Variants in ST3GAL1 observed in about 807,000 individuals in gnomAD.
ST3GAL1 encodes the protein ST3 beta-galactoside alpha-2,3-sialyltransferase 1, also known as CMP-N-acetylneuraminate-beta-galactosamide-alpha-2,3-sialyltransferase 1.
A neutral mutation model predicts 34.1 loss-of-function variants in ST3GAL1; 16 were observed. The observed-to-expected ratio is 0.47, with a 90% confidence interval of 0.32 to 0.71. ST3GAL1 has a LOEUF of 0.71. Among genes scored for constraint, ST3GAL1 ranks in the 30% least tolerant of loss-of-function variants. The pLI is 0.04. For synonymous variants in ST3GAL1, 191 were observed against 184.7 expected, an observed-to-expected ratio of 1.03 and a Z score of -0.28; for missense variants, 353 against 447.4, an observed-to-expected ratio of 0.79 and a Z score of 1.90.
chr8:133,483,009 TCTG>T (rs1816454890), intron 3 of ST3GAL1, among the ~76,000 whole-genome samples: 1 of 152,240 alleles, frequency 6.6e-6, no homozygotes. Flanking sequence ...ACTTGCCCTC[TCTG>T]ATCCTCAATT....
chr8:133,484,681 A>G (rs1816513024), intron 3 of ST3GAL1, among the ~76,000 whole-genome samples: 1 of 152,068 alleles, frequency 6.6e-6, no homozygotes, highest in South Asian at 2.1e-4. Flanking sequence ...TTAATCCCTC[A>G]TTTGGAGAAT....
chr8:133,461,822 C>T lies in ST3GAL1; in HGVS notation c.849+53G>A. On this transcript the variant is annotated intron_variant, in intron 9 of 9. Transcript: ENST00000522652. This position sits in a 1 kb window ranked among gnomAD's most constrained non-coding sequence, Gnocchi z 4.7. ...CCCCCTCCCTGGCCTCTCTTGGGAA[C>T]ACAGGACGGTGAGCTTCGAGGCAGC... 2 of 1,609,410 alleles carry T rather than the reference C, an allele frequency of 1.2e-6. No homozygotes were observed. Among genetic ancestry groups the T allele is most frequent in the South Asian group, 2.2e-5 (2 of 90,524 alleles).
chr8:133,475,349 C>A (rs1267000252), intron 5 of ST3GAL1, among the ~76,000 whole-genome samples: 4 of 152,192 alleles, frequency 2.6e-5, no homozygotes, highest in Non-Finnish European at 5.9e-5. Context: ...CTTCTGGCCT[C>A]CAGAGCTGCA....
At chr8:133,563,138 T>C (rs1478188378) in intron 1 of ST3GAL1, among the ~76,000 whole-genome samples, 1 of 152,156 alleles carries the variant, frequency 6.6e-6, no homozygotes, top group Admixed American at 6.5e-5. Context: ...TTTTTTTTAA[T>C]GTAGCAAAAT....
chr8:133,527,710 G>T (rs139452292), intron 2 of ST3GAL1, among the ~76,000 whole-genome samples: 1 of 152,188 alleles, frequency 6.6e-6, no homozygotes, highest in African/African-American at 2.4e-5. Context: ...CATGGCTCAC[G>T]CAGAGCTGGA....
intron 2 of ST3GAL1, among the ~76,000 whole-genome samples, chr8:133,500,460 C>A (rs1014179257): frequency 1.1e-4 from 17 of 152,184 alleles, no homozygotes; most frequent in African/African-American, 4.1e-4. Flanking sequence ...CTCTTTGCGT[C>A]CTTTTCCCCA....
Position 133,556,596 on chromosome 8 carries a change from G to A in ST3GAL1, c.-581-10670C>T, listed in dbSNP as rs182415652. 3.5e-4 allele frequency among the ~76,000 whole-genome samples: 54 copies of A among 152,196 alleles called. No homozygotes were observed. In the East Asian group the frequency reaches 6.6e-3, roughly 18 times the overall value. ...GAAGGCTGCATAACTATGTACTTTC[G>A]AACAAGATTTTTAGGATGAAGAAAC... On this transcript the variant is annotated intron_variant, in intron 1 of 9. Coordinates refer to ENST00000522652, the MANE Select transcript of ST3GAL1 (RefSeq NM_173344.3). This position sits in a 1 kb window ranked among gnomAD's most constrained non-coding sequence, Gnocchi z 8.9.
intron 1 of ST3GAL1, among the ~76,000 whole-genome samples, chr8:133,569,799 CT>C (rs1187819074): frequency 2.0e-5 from 3 of 152,228 alleles, no homozygotes; most frequent in African/African-American, 7.2e-5. Context: ...GGCAGTGCAC[CT>C]TGCCTTTTCG....
intron 2 of ST3GAL1, among the ~76,000 whole-genome samples, chr8:133,502,278 G>C (rs1393534142): frequency 6.6e-6 from 1 of 152,062 alleles, no homozygotes; most frequent in Non-Finnish European, 1.5e-5. Context: ...GCTATGGAAT[G>C]AACCGTCCCC....
chr8:133,537,590 C>T (rs1818345862), intron 2 of ST3GAL1, among the ~76,000 whole-genome samples: 1 of 152,210 alleles, frequency 6.6e-6, no homozygotes, highest in East Asian at 1.9e-4. Flanking sequence ...GCCTAAGCTC[C>T]AAGGGCTGGA....
At position 133,570,634 on chromosome 8, in the gene ST3GAL1, C is replaced by T. The variant is rs1476055892; in HGVS notation, c.-582+1059G>A. 6.6e-6 allele frequency among the ~76,000 whole-genome samples: 1 copy of T among 152,232 alleles called. No individual in the cohort carries two copies. Among genetic ancestry groups the T allele is most frequent in the East Asian group, 1.9e-4 (1 of 5,188 alleles). On this transcript the variant is annotated intron_variant, in intron 1 of 9. Coordinates refer to ENST00000522652, the MANE Select transcript of ST3GAL1 (RefSeq NM_173344.3). The surrounding 1 kb of genome is among the most constrained non-coding windows in gnomAD (Gnocchi z 5.6). ...AATGCGCGCTCCGACGTCTCTGTGC[C>T]AAGCCGGGGCGCAAGCTCAACCCCC...
chr8:133,536,552 T>A (rs953258966), intron 2 of ST3GAL1, among the ~76,000 whole-genome samples: 4 of 152,186 alleles, frequency 2.6e-5, no homozygotes, highest in African/African-American at 9.7e-5. Context: ...GAAAGCCCCT[T>A]CTTTCTGGGA....
intron 1 of ST3GAL1, among the ~76,000 whole-genome samples, chr8:133,566,277 C>T (rs1819398015): frequency 2.0e-5 from 3 of 152,318 alleles, no homozygotes; most frequent in African/African-American, 7.2e-5. Context: ...TTACTGCTTC[C>T]AGGCGGATCA....
At chr8:133,525,969 C>A (rs551796260) in intron 2 of ST3GAL1, among the ~76,000 whole-genome samples, 7 of 152,284 alleles carry the variant, frequency 4.6e-5, no homozygotes, top group African/African-American at 1.4e-4. Flanking sequence ...AGGGCTCCTG[C>A]CCTGCCAACT....
At chr8:133,490,568 G>A (rs1816755173) in intron 3 of ST3GAL1, among the ~76,000 whole-genome samples, 1 of 152,224 alleles carries the variant, frequency 6.6e-6, no homozygotes, top group South Asian at 2.1e-4. Flanking sequence ...AGGTGGCCAT[G>A]GAGACAGGGG....
At chr8:133,561,766 A>G (rs796920913) in intron 1 of ST3GAL1, among the ~76,000 whole-genome samples, 56 of 152,286 alleles carry the variant, frequency 3.7e-4, no homozygotes, top group African/African-American at 1.2e-3. Flanking sequence ...CTCAAGGCCT[A>G]GATCTGCCAT....
chr8:133,561,158 A>C lies in ST3GAL1; in HGVS notation c.-582+10535T>G, dbSNP rs1403908608. ...TGCTGCCAGTTAATCAGTTTGCCCCAAAAAATTTCAAGCAAGATCCCCTGT... is the reference window on the plus strand; with the variant it reads ...TGCTGCCAGTTAATCAGTTTGCCCCCAAAAATTTCAAGCAAGATCCCCTGT... On this transcript the variant is annotated intron_variant, in intron 1 of 9. Transcript: ENST00000522652. Among the ~76,000 whole-genome samples, 5 of 139,768 alleles carry C rather than the reference A, an allele frequency of 3.6e-5. No homozygotes were observed. The East Asian group carries it at 6.3e-4, about 18-fold the overall frequency. 91.7% of individuals were successfully genotyped at this position (139,768 alleles called of 152,430 possible).
chr8:133,464,917 C>T lies in ST3GAL1; in HGVS notation c.544G>A (p.Gly182Arg). 1 of 1,613,902 alleles carries T rather than the reference C, an allele frequency of 6.2e-7. No individual in the cohort carries two copies. The highest frequency in any genetic ancestry group is 8.5e-7 in the Non-Finnish European group (1 of 1,179,914). Residue 182 changes from glycine (G) to arginine (R), a missense_variant, in exon 7 of 10, where the codon GGG becomes AGG. Transcript: ENST00000522652. ...ACCAGATGGTGGGTGGTCTTGGTCC[C>T]AACATCAGCTTCAAACCCTGCCGTG... ...APTAGFEADV[G>R]TKTTHHLVYP...
In ST3GAL1 at chr8:133,464,942, G is replaced by T. The variant is rs759034842; in HGVS notation, c.519C>A (p.Pro173=). Residue 173 remains proline, a synonymous_variant, in exon 7 of 10, where the codon CCC becomes CCA. Coordinates refer to ENST00000522652, the MANE Select transcript of ST3GAL1 (RefSeq NM_173344.3). ...HDFVLRMNKA[P]TAGFEADVGT... Reference sequence around the variant, plus strand: ...CAACATCAGCTTCAAACCCTGCCGTGGGCGCCTTGTTCATCCTGGGAGAGA... The same window carrying T: ...CAACATCAGCTTCAAACCCTGCCGTTGGCGCCTTGTTCATCCTGGGAGAGA... 2 of 1,613,080 alleles carry T rather than the reference G, an allele frequency of 1.2e-6. No homozygotes were observed. The highest frequency in any genetic ancestry group is 1.3e-5 in the African/African-American group (1 of 74,836).
Sources: gnomAD v4.1 joint callset for allele counts (sites outside exome capture counted in the v4.1 genomes callset) on GRCh38, gnomAD v4.1.1 for gene constraint, Gnocchi (gnomAD v3.1) non-coding constraint, MANE v1.5 for transcripts, NCBI Gene and HGNC (gene_info 2026-07-23, HGNC 2026-07-21) for gene names.